SNTG1: variants seen among roughly 807,000 people sequenced by gnomAD.
The protein encoded by SNTG1 is syntrophin gamma 1.
A neutral mutation model predicts 74.7 loss-of-function variants in SNTG1; 39 were observed. The observed-to-expected ratio is 0.52, with a 90% CI of 0.40 to 0.68. SNTG1 has a LOEUF of 0.68. Ranked by LOEUF, SNTG1 falls within the 30% of genes least tolerant of loss-of-function variation. SNTG1 has a pLI of 0.00. For synonymous variants in SNTG1, 254 were observed against 217.1 expected, an observed-to-expected ratio of 1.17 and a Z score of -1.49; for missense variants, 685 against 609.5, an observed-to-expected ratio of 1.12 and a Z score of -1.30.
chr8:50,284,365 T>C (rs1449842156), intron 2 of SNTG1, among the ~76,000 whole-genome samples: 1 of 152,134 alleles, frequency 6.6e-6, no homozygotes, highest in Non-Finnish European at 1.5e-5. Context: ...ACCATTTTCA[T>C]CCCATCATCT....
chr8:50,115,567 C>CAAA lies in SNTG1; in HGVS notation c.-102-56976_-102-56974dup, dbSNP rs11386539. 3.0e-4 allele frequency among the ~76,000 whole-genome samples: 12 copies of CAAA among 40,492 alleles called. 2 individuals carry two copies. The highest frequency in any genetic ancestry group is 4.0e-3 in the East Asian group (2 of 504). The allele number at this position is 40,492 out of a possible 152,430, so 26.6% of individuals were successfully genotyped here. ...TGGGTGACAGAGCGAGACTCTGTCT[C>CAAA]AAAAAAAAAAAAAAAAAAAACGAGA... On this transcript the variant is annotated intron_variant, in intron 1 of 18. Coordinates refer to ENST00000642720, the MANE Select transcript of SNTG1 (RefSeq NM_018967.5).
intron 2 of SNTG1, among the ~76,000 whole-genome samples, chr8:50,345,258 A>G (rs1003420926): frequency 6.6e-6 from 1 of 152,218 alleles, no homozygotes; most frequent in Non-Finnish European, 1.5e-5. Context: ...CCTCCTGTTC[A>G]GTAACAGGGA....
intron 13 of SNTG1, among the ~76,000 whole-genome samples, chr8:50,595,283 T>C (rs996663212): frequency 8.5e-5 from 13 of 152,048 alleles, no homozygotes; most frequent in Non-Finnish European, 1.3e-4. Context: ...GCTGGCACTT[T>C]ATGATCTAAA....
chr8:50,217,333 T>A (rs1422591945), intron 2 of SNTG1, among the ~76,000 whole-genome samples: 1 of 152,118 alleles, frequency 6.6e-6, no homozygotes, highest in Non-Finnish European at 1.5e-5. Context: ...GAGTCATTTT[T>A]TTCAATCACT....
intron 1 of SNTG1, among the ~76,000 whole-genome samples, chr8:50,157,007 C>T (rs1299930460): frequency 6.6e-6 from 1 of 151,916 alleles, no homozygotes; most frequent in Non-Finnish European, 1.5e-5. Context: ...TGAAACTGCA[C>T]AAAATTCTCA....
chr8:50,435,561 T>C (rs1287022575), intron 4 of SNTG1, among the ~76,000 whole-genome samples: 1 of 152,152 alleles, frequency 6.6e-6, no homozygotes, highest in Non-Finnish European at 1.5e-5. Context: ...ACTGGGAATA[T>C]ATTAGCAGAG....
intron 2 of SNTG1, among the ~76,000 whole-genome samples, chr8:50,187,847 C>T (rs1442056363): frequency 6.6e-6 from 1 of 152,154 alleles, no homozygotes; most frequent in Non-Finnish European, 1.5e-5. Flanking sequence ...TCTGCCCTTC[C>T]ATGATGGAAG....
intron 8 of SNTG1, among the ~76,000 whole-genome samples, chr8:50,469,839 C>A (rs1199762678): frequency 6.6e-6 from 1 of 152,076 alleles, no homozygotes; most frequent in Admixed American, 6.6e-5. Context: ...ATTAGCCAGG[C>A]GTGGTGGCGT....
chr8:50,585,787 CT>C lies in SNTG1; in HGVS notation c.811-5087del, dbSNP rs1471932218. ...TAAATTTAAATTGTAATTAATGTAT[CT>C]TTTTGGGTTTTCTAATTAAATTTTA... On this transcript the variant is annotated intron_variant, in intron 12 of 18. Coordinates refer to ENST00000642720, the MANE Select transcript of SNTG1 (RefSeq NM_018967.5). 2.6e-5 allele frequency among the ~76,000 whole-genome samples: 4 copies of C among 151,768 alleles called. No individual in the cohort carries two copies. In the East Asian group the frequency reaches 5.8e-4, roughly 22 times the overall value.
intron 18 of SNTG1, among the ~76,000 whole-genome samples, chr8:50,758,508 T>A (rs77361532): frequency 0.02 from 3,013 of 152,056 alleles, 96 homozygotes; most frequent in African/African-American, 0.065. Context: ...GTGTGTGTTG[T>A]CTCCTTCCCT....
At chr8:49,962,891 C>T (rs1810822159) in intron 1 of SNTG1, among the ~76,000 whole-genome samples, 1 of 152,186 alleles carries the variant, frequency 6.6e-6, no homozygotes, top group African/African-American at 2.4e-5. Context: ...CTGCGCCCAA[C>T]AAAGAGTGGT....
intron 13 of SNTG1, among the ~76,000 whole-genome samples, chr8:50,639,106 T>C (rs1337084639): frequency 2.6e-5 from 4 of 151,994 alleles, no homozygotes; most frequent in Non-Finnish European, 5.9e-5. Flanking sequence ...AAGGAGACAT[T>C]ATTTACACAA....
chr8:50,734,958 T>TAG (rs2095524289), intron 17 of SNTG1, among the ~76,000 whole-genome samples: 1 of 60,938 alleles, frequency 1.6e-5, no homozygotes, highest in African/African-American at 1.5e-4. Flanking sequence ...CATATATATC[T>TAG]ATATATCCAT....
At chr8:50,098,202 C>T (rs2079999110) in intron 1 of SNTG1, among the ~76,000 whole-genome samples, 1 of 152,068 alleles carries the variant, frequency 6.6e-6, no homozygotes. Context: ...CAGGATATTG[C>T]TACTGATTTC....
At chr8:50,335,319 G>A (rs998408726) in intron 2 of SNTG1, among the ~76,000 whole-genome samples, 1 of 152,176 alleles carries the variant, frequency 6.6e-6, no homozygotes, top group African/African-American at 2.4e-5. Flanking sequence ...CATACAACAT[G>A]GCTCAACAGC....
At chr8:50,590,591 T>A (rs1214721396) in intron 12 of SNTG1, among the ~76,000 whole-genome samples, 2 of 152,134 alleles carry the variant, frequency 1.3e-5, no homozygotes, top group Non-Finnish European at 2.9e-5. Context: ...TGATAGATAA[T>A]CATTTAGTAT....
chr8:49,987,271 C>A (rs1055605405), intron 1 of SNTG1, among the ~76,000 whole-genome samples: 2 of 152,046 alleles, frequency 1.3e-5, no homozygotes, highest in Non-Finnish European at 2.9e-5. Context: ...ATAAATAAAA[C>A]ATACAAGAAT....
chr8:50,023,137 A>G (rs1346505256), intron 1 of SNTG1, among the ~76,000 whole-genome samples: 1 of 152,164 alleles, frequency 6.6e-6, no homozygotes, highest in African/African-American at 2.4e-5. Flanking sequence ...CAGGCTCTGG[A>G]AGAACAGAGT....
chr8:49,955,829 T>G (rs1392578027), intron 1 of SNTG1, among the ~76,000 whole-genome samples: 2 of 152,170 alleles, frequency 1.3e-5, no homozygotes, highest in Non-Finnish European at 2.9e-5. Context: ...ATCATGGAGA[T>G]TAATATCATT....
Sources: allele counts gnomAD v4.1 joint callset (sites outside exome capture counted in the v4.1 genomes callset), GRCh38; gene constraint gnomAD v4.1.1; transcripts MANE v1.5; gene names NCBI Gene and HGNC (gene_info 2026-07-23, HGNC 2026-07-21).